The following EIF4G1 variants were observed in gnomAD, a reference collection of about 807,000 sequenced individuals.
The protein encoded by EIF4G1 is EIF4-gamma.
Under a neutral mutation model 187.8 loss-of-function variants are expected in EIF4G1, and 4 were observed. The observed-to-expected ratio is 0.02, with a 90% confidence interval of 0.01 to 0.05. The LOEUF is 0.05. EIF4G1 is among the 10% of genes least tolerant of loss of function. The pLI is 1.00. For synonymous variants in EIF4G1, 844 were observed against 781.4 expected (o/e 1.08, Z -1.34); for missense variants, 1,647 against 2,081.1 (o/e 0.79, Z 4.06).
chr3:184,327,185 G>A (rs1255754652), intron 23 of EIF4G1, 31 bp from the exon 24 acceptor site: 1 of 1,611,916 alleles, frequency 6.2e-7, no homozygotes, highest in South Asian at 1.1e-5. Flanking sequence ...GGCAGTGCAA[G>A]TGAGTGAAAA....
At chr3:184,331,412 C>G in intron 29 of EIF4G1, 48 bp downstream of exon 29, 4 of 1,614,168 alleles carry the variant, frequency 2.5e-6, no homozygotes, top group Non-Finnish European at 3.4e-6. Context: ...GCTGGCCAGT[C>G]TTCTTTCTTG....
In EIF4G1 at chr3:184,320,988, G is replaced by C. The variant is rs972974112; in HGVS notation, c.692G>C (p.Arg231Pro). Residue 231 changes from arginine (R) to proline (P), a missense_variant, in exon 9 of 33, where the codon CGG becomes CCG. Arg to Pro is a moderately radical substitution (Grantham distance 103). This residue lies in a region of EIF4G1 where 522 missense variants were observed against 485.2 expected (regional missense o/e 1.08). Coordinates refer to ENST00000346169, the MANE Select transcript of EIF4G1 (RefSeq NM_198241.3). The part of the protein sequence containing the change: ...GETPQVAVIV[R>P]PDDRSQGAII... Reference sequence around the variant, plus strand: ...ACGCCCCAGGTTGCTGTCATTGTCCGGCCAGGTAAGTAAGCCGGTGGGACG... The same window carrying C: ...ACGCCCCAGGTTGCTGTCATTGTCCCGCCAGGTAAGTAAGCCGGTGGGACG... 2.5e-6 allele frequency: 4 copies of C among 1,613,748 alleles called. No individual in the cohort carries two copies. The highest frequency in any genetic ancestry group is 2.5e-6 in the Non-Finnish European group (3 of 1,179,970).
chr3:184,333,832 C>T (rs1332892274), intron 32 of EIF4G1, among the ~76,000 whole-genome samples: 1 of 152,166 alleles, frequency 6.6e-6, no homozygotes, highest in East Asian at 1.9e-4. Context: ...GGGCAGAGTG[C>T]ATAATCGATT....
rs547930107 is a variant in EIF4G1, at chr3:184,323,630, C to T, written c.2274+37C>T. 1.4e-5 allele frequency: 22 copies of T among 1,613,382 alleles called. No individual in the cohort carries two copies. In the Admixed American group the frequency reaches 3.5e-4, roughly 26 times the overall value. On this transcript the variant is annotated intron_variant, in intron 15 of 32. Coordinates refer to ENST00000346169, the MANE Select transcript of EIF4G1 (RefSeq NM_198241.3). The surrounding 1 kb of genome is among the most constrained non-coding windows in gnomAD (Gnocchi z 6.9). ...TCCTGCTTTTGGTCTCTCTCCATTT[C>T]TTCTCCAGGTCTGCCATCTGTGCCC...
rs1274642565 is a variant in EIF4G1, at chr3:184,319,740, C to A, written c.476C>A (p.Ala159Asp). ...QGVQQFPTGV[A>D]PTPVLMNQPP... is the part of the protein sequence containing the mutation. Reference sequence around the variant, plus strand: ...GTGCAGCAGTTTCCCACTGGCGTGGCCCCCACCCCAGTTTTGATGAACCAG... The same window carrying A: ...GTGCAGCAGTTTCCCACTGGCGTGGACCCCACCCCAGTTTTGATGAACCAG... Residue 159 changes from alanine to aspartate, a missense_variant, in exon 7 of 33, where the codon GCC becomes GAC. Ala to Asp is a moderately radical substitution (Grantham distance 126, BLOSUM62 -2). Transcript: ENST00000346169. 1 of 1,607,636 alleles carries A rather than the reference C, an allele frequency of 6.2e-7. No individual in the cohort carries two copies. The highest frequency in any genetic ancestry group is 1.1e-5 in the South Asian group (1 of 89,758).
intron 28 of EIF4G1, among the ~76,000 whole-genome samples, chr3:184,330,395 T>G (rs966660082): frequency 6.6e-6 from 1 of 152,000 alleles, no homozygotes; most frequent in African/African-American, 2.4e-5. Context: ...AAAAAAGATA[T>G]ATATCGGCTG....
chr3:184,323,731 C>G lies in EIF4G1; in HGVS notation c.2275-49C>G, dbSNP rs372787777. 3.4e-5 allele frequency: 55 copies of G among 1,612,046 alleles called. No homozygotes were observed. The African/African-American group carries it at 4.8e-4, about 14-fold the overall frequency. ...CACCACCCTCTCCTGTCCCTCCCAA[C>G]AGCCTGTTCTGAGACCCTCACTGGA... is the stretch of plus-strand genomic sequence containing the variant. On this transcript the variant is annotated intron_variant, in intron 15 of 32. Coordinates refer to ENST00000346169, the MANE Select transcript of EIF4G1 (RefSeq NM_198241.3). This position sits in a 1 kb window ranked among gnomAD's most constrained non-coding sequence, Gnocchi z 6.9.
At chr3:184,327,791 A>G in intron 25 of EIF4G1, 39 bp from the exon 26 acceptor site, 1 of 1,614,118 alleles carries the variant, frequency 6.2e-7, no homozygotes, top group African/African-American at 1.3e-5. Context: ...TGGGTCAGAC[A>G]GTGACTGGTC....
rs1724179410 is a variant in EIF4G1 at position 184,323,014 on chromosome 3, C to G, written c.1929+60C>G. 1.2e-6 allele frequency: 2 copies of G among 1,613,974 alleles called. No individual in the cohort carries two copies. The highest frequency in any genetic ancestry group is 1.3e-5 in the African/African-American group (1 of 74,882). ...TTGTGCTGGATGGATTGGGGAGGAG[C>G]CTGAGGTCCTGAAAGAGTAGTCAAC... On this transcript the variant is annotated intron_variant, in intron 13 of 32. Transcript: ENST00000346169. The surrounding 1 kb of genome is among the most constrained non-coding windows in gnomAD (Gnocchi z 6.9).
intron 24 of EIF4G1, 41 bp downstream of exon 24, chr3:184,327,489 GC>G (rs770352835): frequency 6.2e-7 from 1 of 1,613,078 alleles, no homozygotes; most frequent in South Asian, 1.1e-5. Flanking sequence ...GGCATTGGCT[GC>G]CTTGGGACTA....
In EIF4G1 at chr3:184,324,344, T is replaced by C; in HGVS notation, c.2616T>C (p.Ala872=). Residue 872 remains alanine, a synonymous_variant, in exon 17 of 33, where the codon GCT becomes GCC. Coordinates refer to ENST00000346169, the MANE Select transcript of EIF4G1 (RefSeq NM_198241.3). The part of the protein sequence containing the change: ...EKKQKEMDEA[A]TAEERGRLKE... Reference sequence around the variant, plus strand: ...AGCAAAAAGAGATGGATGAAGCTGCTACGGTGAGAGAAAACCCACTATCGA... The same window carrying C: ...AGCAAAAAGAGATGGATGAAGCTGCCACGGTGAGAGAAAACCCACTATCGA... The C allele has an allele frequency of 1.9e-6, 3 of 1,614,256 alleles. No individual in the cohort carries two copies. Among genetic ancestry groups the C allele is most frequent in the African/African-American group, 1.3e-5 (1 of 75,074 alleles).
In EIF4G1 at chr3:184,325,717, A is replaced by G. The variant is rs779512728; in HGVS notation, c.3121+78A>G. 1 of 1,612,410 alleles carries G rather than the reference A, an allele frequency of 6.2e-7. No individual in the cohort carries two copies. Among genetic ancestry groups the G allele is most frequent in the Non-Finnish European group, 8.5e-7 (1 of 1,178,572 alleles). On this transcript the variant is annotated intron_variant, in intron 20 of 32. Coordinates refer to ENST00000346169, the MANE Select transcript of EIF4G1 (RefSeq NM_198241.3). This position sits in a 1 kb window ranked among gnomAD's most constrained non-coding sequence, Gnocchi z 5.2. Reference sequence around the variant, plus strand: ...TACTTTCCTCTGATGACTTCCTGTTAGTGCCACGTGTCTGGGCCACTGAGA... The same window carrying G: ...TACTTTCCTCTGATGACTTCCTGTTGGTGCCACGTGTCTGGGCCACTGAGA...
chr3:184,316,446 T>C (rs1722795367), intron 4 of EIF4G1, among the ~76,000 whole-genome samples: 1 of 152,164 alleles, frequency 6.6e-6, no homozygotes, highest in Non-Finnish European at 1.5e-5. Flanking sequence ...CCTCTGAGAA[T>C]TGGGGGCAGT....
chr3:184,317,373 A>G lies in EIF4G1; in HGVS notation c.200A>G (p.Gln67Arg). 6.2e-7 allele frequency: 1 copy of G among 1,614,102 alleles called. No individual in the cohort carries two copies. The highest frequency in any genetic ancestry group is 8.5e-7 in the Non-Finnish European group (1 of 1,180,026). Residue 67 changes from glutamine (Q) to arginine (R), a missense_variant, in exon 5 of 33, where the codon CAG becomes CGG. Transcript: ENST00000346169. The stretch of plus-strand genomic sequence containing the variant: ...CCGAGCAGTGCAGCCTCCCGAGTGC[A>G]GAGTGCAGCCCCTGCCCGCCCTGGC... ...QPPSSAASRV[Q>R]SAAPARPGPA... is the part of the protein sequence containing the mutation.
Position 184,321,940 on chromosome 3 carries a change from T to C in EIF4G1, c.1356T>C (p.Ala452=). Reference sequence around the variant, plus strand: ...CGGCTCCTTCAGCTACTTCCCCAGCTCAGGAGGAGGAAATGGAAGAAGAAG... The same window carrying C: ...CGGCTCCTTCAGCTACTTCCCCAGCCCAGGAGGAGGAAATGGAAGAAGAAG... ...PATAPSATSP[A]QEEEMEEEEE... Residue 452 remains alanine, a synonymous_variant, in exon 10 of 33, where the codon GCT becomes GCC. Coordinates refer to ENST00000346169, the MANE Select transcript of EIF4G1 (RefSeq NM_198241.3). The C allele has an allele frequency of 6.2e-7, 1 of 1,613,416 alleles. No individual in the cohort carries two copies. The highest frequency in any genetic ancestry group is 8.5e-7 in the Non-Finnish European group (1 of 1,179,906).
Position 184,331,931 on chromosome 3 carries a change from C to T in EIF4G1, c.4478-15C>T. ...GTAAGGGTATATTGCTCCACTCATC[C>T]CTGTCTTCTTGTAGTTGAGACTCCC... On this transcript the variant is annotated splice_polypyrimidine_tract_variant and intron_variant, in intron 31 of 32. Coordinates refer to ENST00000346169, the MANE Select transcript of EIF4G1 (RefSeq NM_198241.3). 9.9e-6 allele frequency: 16 copies of T among 1,614,008 alleles called. No homozygotes were observed. Among genetic ancestry groups the T allele is most frequent in the Non-Finnish European group, 1.4e-5 (16 of 1,179,988 alleles).
At position 184,323,874 on chromosome 3, in the gene EIF4G1, C is replaced by A; in HGVS notation, c.2369C>A (p.Thr790Asn). The change falls in exon 16 of 33, where the codon ACC becomes AAC. Residue 790 changes from threonine to asparagine, a missense_variant. Physicochemically the swap from Thr to Asn is moderately conservative, Grantham distance 65 (BLOSUM62 0). Around this residue, in one of 11 missense-constraint regions of EIF4G1, gnomAD observed 36 missense variants for 87.6 expected, o/e 0.41. Coordinates refer to ENST00000346169, the MANE Select transcript of EIF4G1 (RefSeq NM_198241.3). This position sits in a 1 kb window ranked among gnomAD's most constrained non-coding sequence, Gnocchi z 6.9. The stretch of plus-strand genomic sequence containing the variant: ...CAAGTGACGCAGCTGGCCATCGACA[C>A]CGAGGAACGCCTCAAAGGGGTCATT... Reference protein sequence around the residue: ...MKQVTQLAIDTEERLKGVIDL... With the variant: ...MKQVTQLAIDNEERLKGVIDL... 1 of 1,614,238 alleles carries A rather than the reference C, an allele frequency of 6.2e-7. No individual in the cohort carries two copies. Among genetic ancestry groups the A allele is most frequent in the Non-Finnish European group, 8.5e-7 (1 of 1,180,052 alleles).
At chr3:184,332,752 A>G (rs938863045) in intron 32 of EIF4G1, among the ~76,000 whole-genome samples, 4 of 151,958 alleles carry the variant, frequency 2.6e-5, no homozygotes, top group Non-Finnish European at 4.4e-5. Flanking sequence ...CTTTCTACCT[A>G]TGGTAGGAAG....
In EIF4G1 at chr3:184,321,739, T is replaced by C. The variant is rs112274456; in HGVS notation, c.1155T>C (p.Ala385=). ...GCCCAGAGCTTGCTCCTCCCCCAGC[T>C]TGCCCCTCCGAATCCCCTGTGCCCA... ...ESSPELAPPP[A]CPSESPVPIA... is the part of the protein sequence containing the mutation. The change falls in exon 10 of 33, where the codon GCT becomes GCC. Residue 385 remains alanine, a synonymous_variant. Transcript: ENST00000346169. The C allele has an allele frequency of 6.3e-6, 10 of 1,599,130 alleles. No homozygotes were observed. The highest frequency in any genetic ancestry group is 1.3e-5 in the African/African-American group (1 of 74,600).
Sources: gnomAD v4.1 joint callset for allele counts (sites outside exome capture counted in the v4.1 genomes callset) on GRCh38, gnomAD v4.1.1 for gene constraint, gnomAD v4.1.1 regional missense constraint, Gnocchi (gnomAD v3.1) non-coding constraint, MANE v1.5 for transcripts, NCBI Gene and HGNC (gene_info 2026-07-23, HGNC 2026-07-21) for gene names.